Variants in ARHGAP26 observed in about 807,000 individuals in gnomAD.
ARHGAP26 encodes rho GTPase-activating protein 26.
Under a neutral mutation model 104.8 loss-of-function variants are expected in ARHGAP26, and 38 were observed. The ratio of observed to expected loss-of-function variants is 0.36; its 90% CI spans 0.28 to 0.48. The LOEUF (loss-of-function observed/expected upper bound fraction) is 0.48, where lower values mean the gene tolerates loss of function less well. Among genes scored for constraint, ARHGAP26 ranks in the 20% least tolerant of loss-of-function variants. The probability of loss-of-function intolerance (pLI) is 0.99; values close to 1 mark genes in which losing one functional copy is unlikely to be tolerated. For missense variants in ARHGAP26, 704 were observed against 947.9 expected (o/e 0.74, Z 3.38); for synonymous variants, 341 against 340.0 (o/e 1.00, Z -0.03).
At chr5:143,026,686 T>C (rs935515332) in intron 12 of ARHGAP26, among the ~76,000 whole-genome samples, 1 of 152,008 alleles carries the variant, frequency 6.6e-6, no homozygotes, top group African/African-American at 2.4e-5. Context: ...TAAGACTGCA[T>C]TCTTAGTGTG....
At chr5:142,845,277 G>T (rs1348634600) in intron 1 of ARHGAP26, among the ~76,000 whole-genome samples, 1 of 152,210 alleles carries the variant, frequency 6.6e-6, no homozygotes, top group Admixed American at 6.5e-5. Flanking sequence ...TGTCTAGGTG[G>T]TTTGCATTCA....
At position 143,222,574 on chromosome 5, in the gene ARHGAP26, A is replaced by T; in HGVS notation, c.*128A>T. On this transcript the variant is annotated 3_prime_UTR_variant, in exon 23 of 23. Transcript: ENST00000645722. ...ACTGACTCTGTTGCTACCTGTCAAC[A>T]TGAATGTTTCTGTGAGCTCTGGTGT... is the stretch of plus-strand genomic sequence containing the variant. The T allele has an allele frequency of 1.5e-6, 1 of 652,214 alleles. No individual in the cohort carries two copies. Among genetic ancestry groups the T allele is most frequent in the South Asian group, 3.3e-5 (1 of 30,370 alleles). 40.4% of individuals were successfully genotyped at this position (652,214 alleles called of 1,614,324 possible).
At chr5:142,925,778 T>C (rs1763818524) in intron 10 of ARHGAP26, among the ~76,000 whole-genome samples, 1 of 152,146 alleles carries the variant, frequency 6.6e-6, no homozygotes. Context: ...CTCTTCTACT[T>C]TGAATTTGAC....
chr5:143,213,565 G>A (rs1809850434), intron 21 of ARHGAP26, among the ~76,000 whole-genome samples: 2 of 152,140 alleles, frequency 1.3e-5, no homozygotes, highest in Non-Finnish European at 2.9e-5. Flanking sequence ...TCTTCTTTTT[G>A]ACTCACTGAG....
At chr5:143,128,029 T>C (rs190328392) in intron 18 of ARHGAP26, among the ~76,000 whole-genome samples, 1 of 152,370 alleles carries the variant, frequency 6.6e-6, no homozygotes, top group Admixed American at 6.5e-5. Context: ...TTGCTTGTAC[T>C]CTTTTTGTTC....
intron 1 of ARHGAP26, among the ~76,000 whole-genome samples, chr5:142,845,128 C>T (rs112166201): frequency 0.019 from 2,819 of 152,184 alleles, 93 homozygotes; most frequent in African/African-American, 0.064. Flanking sequence ...GAGGCTGCTA[C>T]GAGAGCAGGG....
intron 1 of ARHGAP26, among the ~76,000 whole-genome samples, chr5:142,797,962 C>G (rs1561858171): frequency 6.6e-6 from 1 of 152,178 alleles, no homozygotes; most frequent in Non-Finnish European, 1.5e-5. Flanking sequence ...GACCAAGTTT[C>G]CCTTTACCTG....
At chr5:143,111,733 G>A (rs544356092) in intron 17 of ARHGAP26, among the ~76,000 whole-genome samples, 1 of 152,310 alleles carries the variant, frequency 6.6e-6, no homozygotes, top group Non-Finnish European at 1.5e-5. Flanking sequence ...ATTATACAAT[G>A]CATATTAGGT....
At chr5:143,066,064 C>T (rs554680980) in intron 17 of ARHGAP26, among the ~76,000 whole-genome samples, 79 of 152,292 alleles carry the variant, frequency 5.2e-4, no homozygotes, top group Non-Finnish European at 9.6e-4. Context: ...TGTCTATCAA[C>T]GATGAACCAC....
intron 12 of ARHGAP26, among the ~76,000 whole-genome samples, chr5:143,032,148 G>GA (rs1188250966): frequency 1.3e-5 from 2 of 152,204 alleles, no homozygotes; most frequent in Non-Finnish European, 2.9e-5. Flanking sequence ...AAGTTGAAAT[G>GA]AAAGTTAAGA....
intron 1 of ARHGAP26, among the ~76,000 whole-genome samples, chr5:142,804,551 G>A (rs1003321762): frequency 1.3e-5 from 2 of 152,206 alleles, no homozygotes; most frequent in African/African-American, 4.8e-5. Context: ...GAGTGCAATG[G>A]TGTGATCTCG....
At chr5:142,793,920 G>T (rs553372761) in intron 1 of ARHGAP26, among the ~76,000 whole-genome samples, 2 of 152,064 alleles carry the variant, frequency 1.3e-5, no homozygotes, top group African/African-American at 4.8e-5. Flanking sequence ...TTGTAGAGGC[G>T]GTGCTTTCTT....
In ARHGAP26 at chr5:143,227,456, A is replaced by G. The variant is rs1477705407; in HGVS notation, c.*5010A>G. 4.3e-6 allele frequency: 1 copy of G among 231,338 alleles called. No individual in the cohort carries two copies. The highest frequency in any genetic ancestry group is 8.6e-6 in the Non-Finnish European group (1 of 116,896). The allele number at this position is 231,338 out of a possible 1,614,324, so 14.3% of individuals were successfully genotyped here. A position where few individuals can be genotyped will look rare whatever the true frequency, so the allele number is the denominator to read the frequency against. On this transcript the variant is annotated 3_prime_UTR_variant, in exon 23 of 23. Transcript: ENST00000645722. ...TAACAAATTTATCTTGTCATGCTCA[A>G]ATGTGTTTGGCAGCCACACCGATCG... is the stretch of plus-strand genomic sequence containing the variant.
rs563928383 is a variant in ARHGAP26, at chr5:143,204,396, G to T, written c.1989-2802G>T. ...AAAATTAGCCAGGCATGGTGGGGGG[G>T]ATCTATAATCCCAGCTACTTGGGAG... On this transcript the variant is annotated intron_variant, in intron 20 of 22. Transcript: ENST00000645722. Among the ~76,000 whole-genome samples the T allele has an allele frequency of 1.6e-4, 24 of 152,142 alleles. No individual in the cohort carries two copies. The South Asian group carries it at 2.7e-3, about 17-fold the overall frequency.
At chr5:142,995,905 CA>C (rs370028266) in intron 11 of ARHGAP26, among the ~76,000 whole-genome samples, 3 of 152,096 alleles carry the variant, frequency 2.0e-5, no homozygotes, top group African/African-American at 2.4e-5. Flanking sequence ...AGCAAAGTAA[CA>C]CAGGAACAGA....
chr5:142,847,126 G>A (rs771854482), intron 1 of ARHGAP26, among the ~76,000 whole-genome samples: 2 of 152,200 alleles, frequency 1.3e-5, no homozygotes, highest in African/African-American at 2.4e-5. Flanking sequence ...TTTCTCATCT[G>A]TGAAACGGGG....
At chr5:143,062,340 A>G (rs1786834304) in intron 17 of ARHGAP26, among the ~76,000 whole-genome samples, 1 of 152,142 alleles carries the variant, frequency 6.6e-6, no homozygotes, top group Non-Finnish European at 1.5e-5. Flanking sequence ...CCAATTGTCT[A>G]ATGTTTATTT....
At chr5:143,079,411 G>C (rs1212851850) in intron 17 of ARHGAP26, among the ~76,000 whole-genome samples, 1 of 152,156 alleles carries the variant, frequency 6.6e-6, no homozygotes, top group Non-Finnish European at 1.5e-5. Context: ...ACGATTCTTT[G>C]GTCTTTGTAG....
rs549568962 is a variant in ARHGAP26, at chr5:142,900,551, C to T, written c.598-1384C>T. ...CTGGCCTGCCCTCTGAGTTTAGGTC[C>T]AGTGCTATATACTTTTGTGCTTACT... On this transcript the variant is annotated intron_variant, in intron 6 of 22. Coordinates refer to ENST00000645722, the MANE Select transcript of ARHGAP26 (RefSeq NM_001135608.3). Among the ~76,000 whole-genome samples the T allele has an allele frequency of 3.2e-5, 4 of 126,104 alleles. No individual in the cohort carries two copies. In the East Asian group the frequency reaches 7.9e-4, roughly 25 times the overall value. 82.7% of individuals were successfully genotyped at this position (126,104 alleles called of 152,430 possible). A position where few individuals can be genotyped will look rare whatever the true frequency, so the allele number is the denominator to read the frequency against.
Sources: gnomAD v4.1 joint callset for allele counts (sites outside exome capture counted in the v4.1 genomes callset) on GRCh38, gnomAD v4.1.1 for gene constraint, MANE v1.5 for transcripts, NCBI Gene and HGNC (gene_info 2026-07-23, HGNC 2026-07-21) for gene names.